STX8: variants seen among roughly 807,000 people sequenced by gnomAD.
STX8 encodes the protein syntaxin-8.
A neutral mutation model predicts 37.5 loss-of-function variants in STX8; 23 were observed. The observed-to-expected ratio is 0.61, with a 90% CI of 0.44 to 0.87. The LOEUF is 0.87. Among genes scored for constraint, STX8 ranks in the 40% least tolerant of loss-of-function variants. The pLI is 0.00. For synonymous variants in STX8, 115 were observed against 99.1 expected, an observed-to-expected ratio of 1.16 and a Z score of -0.95; for missense variants, 313 against 284.7, an observed-to-expected ratio of 1.10 and a Z score of -0.71.
intron 6 of STX8, among the ~76,000 whole-genome samples, chr17:9,483,793 A>G (rs1198415366): frequency 2.0e-5 from 3 of 152,184 alleles, no homozygotes; most frequent in Admixed American, 6.5e-5. Context: ...CCGGTGTGTC[A>G]CACAAAGCAG....
intron 7 of STX8, among the ~76,000 whole-genome samples, chr17:9,333,532 C>T (rs530230428): frequency 5.9e-5 from 9 of 152,182 alleles, no homozygotes; most frequent in South Asian, 2.1e-4. Context: ...GGACTATAGG[C>T]GCCCGCCACC....
At chr17:9,444,717 T>A (rs1262403839) in intron 6 of STX8, among the ~76,000 whole-genome samples, 2 of 152,200 alleles carry the variant, frequency 1.3e-5, no homozygotes, top group African/African-American at 4.8e-5. Flanking sequence ...TTTTTCTTCC[T>A]TTTTTTAGTG....
intron 3 of STX8, among the ~76,000 whole-genome samples, chr17:9,547,627 C>CAAAA (rs11377271): frequency 6.2e-4 from 33 of 53,274 alleles, no homozygotes; most frequent in South Asian, 9.9e-4. Context: ...GACTCCGTCT[C>CAAAA]AAAAAAAAAA....
intron 4 of STX8, among the ~76,000 whole-genome samples, chr17:9,518,201 C>T (rs762191053): frequency 1.5e-4 from 23 of 152,112 alleles, no homozygotes; most frequent in Non-Finnish European, 2.5e-4. Flanking sequence ...GACCCCCGTT[C>T]ACTCCTCAAC....
intron 7 of STX8, among the ~76,000 whole-genome samples, chr17:9,349,624 TA>T (rs1301074113): frequency 6.6e-6 from 1 of 152,050 alleles, no homozygotes; most frequent in African/African-American, 2.4e-5. Context: ...GCCGGGCTGA[TA>T]AAGTTAATTT....
At chr17:9,436,118 C>T (rs1447932001) in intron 6 of STX8, among the ~76,000 whole-genome samples, 1 of 151,754 alleles carries the variant, frequency 6.6e-6, no homozygotes, top group East Asian at 1.9e-4. Context: ...CGCCGTGGCT[C>T]ACGAGGTCAG....
intron 7 of STX8, among the ~76,000 whole-genome samples, chr17:9,353,585 T>A (rs550919970): frequency 2.0e-5 from 3 of 152,294 alleles, no homozygotes; most frequent in Admixed American, 2.0e-4. Context: ...CCCAATAACA[T>A]CAATATATTT....
chr17:9,395,354 C>A (rs934609383), intron 6 of STX8, among the ~76,000 whole-genome samples: 2 of 152,110 alleles, frequency 1.3e-5, no homozygotes, highest in African/African-American at 4.8e-5. Flanking sequence ...CTAATCCCAG[C>A]ACTTTGGGAA....
chr17:9,297,524 A>C (rs565544461), intron 7 of STX8, among the ~76,000 whole-genome samples: 1 of 152,228 alleles, frequency 6.6e-6, no homozygotes, highest in South Asian at 2.1e-4. Context: ...CTTCTCATAC[A>C]AGCTGAATAG....
At chr17:9,335,017 C>T (rs767880113) in intron 7 of STX8, among the ~76,000 whole-genome samples, 18 of 152,152 alleles carry the variant, frequency 1.2e-4, no homozygotes, top group East Asian at 5.8e-4. Context: ...TCCTGGTCAC[C>T]GCTTCGATCT....
At chr17:9,570,880 G>A (rs553462384) in intron 1 of STX8, among the ~76,000 whole-genome samples, 28 of 152,102 alleles carry the variant, frequency 1.8e-4, no homozygotes, top group South Asian at 8.3e-4. Context: ...GGATGACCAC[G>A]AAGTTAAAGC....
intron 6 of STX8, among the ~76,000 whole-genome samples, chr17:9,381,573 G>T (rs1911821230): frequency 6.6e-6 from 1 of 152,152 alleles, no homozygotes; most frequent in South Asian, 2.1e-4. Context: ...TTGTTTACAT[G>T]TCTTTAACAG....
intron 7 of STX8, among the ~76,000 whole-genome samples, chr17:9,284,417 G>A (rs56189596): frequency 0.2 from 31,063 of 152,074 alleles, 3,341 homozygotes; most frequent in Middle Eastern, 0.29. Context: ...AATAAACTAC[G>A]GAGAAAATAA....
At chr17:9,285,218 C>T (rs906714626) in intron 7 of STX8, among the ~76,000 whole-genome samples, 1 of 152,018 alleles carries the variant, frequency 6.6e-6, no homozygotes, top group Non-Finnish European at 1.5e-5. Context: ...ATTCCCAGGC[C>T]CCAAGGCTCA....
In STX8 at chr17:9,568,451, T is replaced by C. The variant is rs1225126499; in HGVS notation, c.37A>G (p.Thr13Ala). 3 of 1,612,630 alleles carry C rather than the reference T, an allele frequency of 1.9e-6. No individual in the cohort carries two copies. Among genetic ancestry groups the C allele is most frequent in the African/African-American group, 1.3e-5 (1 of 74,898 alleles). ...GCAATTTCTTGGGCAATTTGACAAG[T>C]AGAATCGTATGTGGAGAACCTGCAC... is the stretch of plus-strand genomic sequence containing the variant. ...PDPWFSTYDS[T>A]CQIAQEIAEK... Residue 13 changes from threonine (T) to alanine (A), a missense_variant, in exon 2 of 8, where the codon ACT (threonine) becomes GCT (alanine). Physicochemically the swap from Thr to Ala is moderately conservative, Grantham distance 58. Transcript: ENST00000306357.
At chr17:9,308,354 A>G (rs1390797810) in intron 7 of STX8, among the ~76,000 whole-genome samples, 1 of 152,212 alleles carries the variant, frequency 6.6e-6, no homozygotes, top group African/African-American at 2.4e-5. Flanking sequence ...TCCTACACAG[A>G]AAGGCAGAGT....
chr17:9,295,697 C>T (rs1041024599), intron 7 of STX8, among the ~76,000 whole-genome samples: 16 of 151,870 alleles, frequency 1.1e-4, no homozygotes, highest in African/African-American at 3.4e-4. Context: ...GAGCCAAGAT[C>T]GCGCCACCGC....
At position 9,505,018 on chromosome 17, in the gene STX8, C is replaced by G. The variant is rs753834654; in HGVS notation, c.448+20G>C. The G allele has an allele frequency of 6.8e-7, 1 of 1,462,472 alleles. No individual in the cohort carries two copies. Among genetic ancestry groups the G allele is most frequent in the Admixed American group, 1.8e-5 (1 of 54,962 alleles). 90.6% of individuals were successfully genotyped at this position (1,462,472 alleles called of 1,614,324 possible). A position where few individuals can be genotyped will look rare whatever the true frequency, so the allele number is the denominator to read the frequency against. ...TTCTGGCAAGGTTTCTGAGCCCACACTCCTCAGGATATTTAGTACCTTGGA... is the reference window on the plus strand; with the variant it reads ...TTCTGGCAAGGTTTCTGAGCCCACAGTCCTCAGGATATTTAGTACCTTGGA... On this transcript the variant is annotated intron_variant, in intron 5 of 7. Transcript: ENST00000306357.
intron 7 of STX8, among the ~76,000 whole-genome samples, chr17:9,281,727 A>G (rs1421466256): frequency 1.3e-5 from 2 of 152,208 alleles, no homozygotes; most frequent in African/African-American, 4.8e-5. Flanking sequence ...TGAGGTTAGG[A>G]GTTTGAGACC....
Sources: gnomAD v4.1 joint callset for allele counts (sites outside exome capture counted in the v4.1 genomes callset) on GRCh38, gnomAD v4.1.1 for gene constraint, MANE v1.5 for transcripts, NCBI Gene and HGNC (gene_info 2026-07-23, HGNC 2026-07-21) for gene names.